CLCN7: variants seen among roughly 807,000 people sequenced by gnomAD.
CLCN7 encodes H(+)/Cl(-) exchange transporter 7.
In CLCN7, 60 loss-of-function variants were observed where a neutral mutation model predicts 102.1. The ratio of observed to expected loss-of-function variants is 0.59; its 90% CI spans 0.48 to 0.73. CLCN7 has a LOEUF of 0.73. Ranked by LOEUF, CLCN7 falls within the 30% of genes least tolerant of loss-of-function variation. The pLI is 0.00. For missense variants in CLCN7, 962 were observed against 1,125.7 expected, an observed-to-expected ratio of 0.85 and a Z score of 2.08; for synonymous variants, 560 against 490.5, an observed-to-expected ratio of 1.14 and a Z score of -1.87.
intron 1 of CLCN7, chr16:1,474,003 A>T: frequency 2.6e-6 from 1 of 384,622 alleles, no homozygotes; most frequent in Non-Finnish European, 5.1e-6. Flanking sequence ...AGAGTCACTT[A>T]AACTCGGGAG....
chr16:1,453,943 G>A (rs781651007), intron 13 of CLCN7, 49 bp from the exon 14 acceptor site: 37 of 1,556,202 alleles, frequency 2.4e-5, no homozygotes, highest in Non-Finnish European at 8.7e-6. Context: ...AAAAGTGCGG[G>A]CCTCCGCCCG....
At position 1,447,078 on chromosome 16, in the gene CLCN7, C is replaced by T. The variant is rs146048095; in HGVS notation, c.2259G>A (p.Ser753=). Residue 753 remains serine (S), a synonymous_variant, in exon 24 of 25, where the codon TCG becomes TCA. Coordinates refer to ENST00000382745, the MANE Select transcript of CLCN7 (RefSeq NM_001287.6). ...GGAACAGCTTGAACACCCGTGGGAG[C>T]GACGCCTCCTGCAGCAGGGGCACAG... is the stretch of plus-strand genomic sequence containing the variant. ...PSPYTVPQEA[S]LPRVFKLFRA... is the part of the protein sequence containing the mutation. 122 of 1,598,334 alleles carry T rather than the reference C, an allele frequency of 7.6e-5. No homozygotes were observed. Among genetic ancestry groups the T allele is most frequent in the Middle Eastern group, 3.3e-4 (2 of 6,038 alleles).
At chr16:1,473,311 T>C (rs1422805677) in intron 1 of CLCN7, among the ~76,000 whole-genome samples, 2 of 151,468 alleles carry the variant, frequency 1.3e-5, no homozygotes, top group South Asian at 2.1e-4. Flanking sequence ...TTCTAAGGAA[T>C]TGGGAAAACC....
At chr16:1,462,711 A>T (rs1474411174) in intron 2 of CLCN7, among the ~76,000 whole-genome samples, 3 of 151,066 alleles carry the variant, frequency 2.0e-5, no homozygotes, top group African/African-American at 7.3e-5. Context: ...TGGCATGAAG[A>T]TGGCCACAAA....
At chr16:1,468,089 T>A (rs548664062) in intron 1 of CLCN7, among the ~76,000 whole-genome samples, 2 of 145,796 alleles carry the variant, frequency 1.4e-5, no homozygotes, top group Admixed American at 6.8e-5. Context: ...TCTCTAAAAT[T>A]AAAAAAAAAA....
Position 1,449,100 on chromosome 16 carries a change from GA to G in CLCN7, c.1670-8del, listed in dbSNP as rs752354267. 7.4e-6 allele frequency: 12 copies of G among 1,612,752 alleles called. No individual in the cohort carries two copies. In the East Asian group the frequency reaches 1.6e-4, roughly 21 times the overall value. On this transcript the variant is annotated splice_region_variant and splice_polypyrimidine_tract_variant and intron_variant, in intron 18 of 24. Coordinates refer to ENST00000382745, the MANE Select transcript of CLCN7 (RefSeq NM_001287.6). ...GTCATCCGCACAATCCCGCCTGCGG[GA>G]GCCATCATGAACCCCAGCACGTCCA...
At position 1,455,120 on chromosome 16, in the gene CLCN7, A is replaced by AGGTGGGCGG; in HGVS notation, c.1098+13_1098+14insCCGCCCACC. The AGGTGGGCGG allele has an allele frequency of 1.4e-6, 2 of 1,469,754 alleles. No homozygotes were observed. The highest frequency in any genetic ancestry group is 1.9e-6 in the Non-Finnish European group (2 of 1,048,178). 91.0% of individuals were successfully genotyped at this position (1,469,754 alleles called of 1,614,324 possible). On this transcript the variant is annotated intron_variant, in intron 12 of 24. Coordinates refer to ENST00000382745, the MANE Select transcript of CLCN7 (RefSeq NM_001287.6). ...GGATACGAGGTGGGCGAGGTGGGCG[A>AGGTGGGCGG]TGGGGCAGGTTACCTCCGAGTCAAA...
chr16:1,470,626 G>A (rs532107029), intron 1 of CLCN7, among the ~76,000 whole-genome samples: 35 of 152,228 alleles, frequency 2.3e-4, no homozygotes, highest in Non-Finnish European at 4.4e-5. Flanking sequence ...GGCAGGGAAG[G>A]GCAGGGGACA....
At chr16:1,447,305 C>A in intron 23 of CLCN7, 87 bp downstream of exon 23, 2 of 1,378,382 alleles carry the variant, frequency 1.5e-6, no homozygotes, top group South Asian at 1.3e-5. Context: ...CTGTGGCCCC[C>A]CCCGGCTGCC....
chr16:1,447,776 T>G, intron 21 of CLCN7, 62 bp from the exon 22 acceptor site: 1 of 1,514,880 alleles, frequency 6.6e-7, no homozygotes, highest in Non-Finnish European at 9.0e-7. Context: ...GCTGGAATGC[T>G]GTGTCGGGCC....
At chr16:1,461,751 G>A (rs771673808) in intron 2 of CLCN7, 77 bp from the exon 3 acceptor site, 7 of 1,235,142 alleles carry the variant, frequency 5.7e-6, no homozygotes, top group African/African-American at 4.4e-5. Context: ...GCTCACACAC[G>A]AGGCCATTAT....
chr16:1,465,502 G>A lies in CLCN7; in HGVS notation c.142-164C>T, dbSNP rs2744997. Among the ~76,000 whole-genome samples the A allele has an allele frequency of 0.6, 91,750 of 152,018 alleles. 28,541 individuals are homozygous for A. Among genetic ancestry groups the A allele is most frequent in the African/African-American group, 0.72 (29,865 of 41,502 alleles). ...TGGGTGGGGGCAGCAGGGCTGGGAC[G>A]GGCCTCCCTGGGCCCTGGAAGCAGA... is the stretch of plus-strand genomic sequence containing the variant. On this transcript the variant is annotated intron_variant, in intron 1 of 24. Transcript: ENST00000382745.
chr16:1,449,092 G>A lies in CLCN7; in HGVS notation c.1671C>T (p.Gly557=), dbSNP rs115310976. ...GGCTCAGTGTCATCCGCACAATCCC[G>A]CCTGCGGGAGCCATCATGAACCCCA... The part of the protein sequence containing the change: ...YALMGAAAQL[G]GIVRMTLSLT... The change falls in exon 19 of 25, where the codon GGC becomes GGT. Residue 557 remains glycine, a splice_region_variant and synonymous_variant. Transcript: ENST00000382745. 3,484 of 1,612,742 alleles carry A rather than the reference G, an allele frequency of 2.2e-3. 83 individuals carry two copies. The African/African-American group carries it at 0.042, about 20-fold the overall frequency.
In CLCN7 at chr16:1,452,817, G is replaced by T. The variant is rs1054593112; in HGVS notation, c.1291C>A (p.Leu431Met). 6 of 1,604,050 alleles carry T rather than the reference G, an allele frequency of 3.7e-6. No homozygotes were observed. The African/African-American group carries it at 6.7e-5, about 18-fold the overall frequency. Reference sequence around the variant, plus strand: ...TGGCAATCCCGCGACGAGTAGATCAGCACGAAGGCAACTGTGGCCGTGACG... The same window carrying T: ...TGGCAATCCCGCGACGAGTAGATCATCACGAAGGCAACTGTGGCCGTGACG... ...AAVTATVAFV[L>M]IYSSRDCQPL... Residue 431 changes from leucine (L) to methionine (M), a missense_variant, in exon 15 of 25, where the codon CTG becomes ATG. Physicochemically the swap from Leu to Met is conservative, Grantham distance 15. Transcript: ENST00000382745.
At chr16:1,448,251 C>G (rs574070276) in intron 21 of CLCN7, 104 bp downstream of exon 21, 449 of 1,482,018 alleles carry the variant, frequency 3.0e-4, no homozygotes, top group Non-Finnish European at 4.0e-4. Context: ...CCAGTGCACC[C>G]AAACGTGCAG....
At chr16:1,460,790 T>C (rs2038922876) in intron 5 of CLCN7, 26 bp downstream of exon 5, 9 of 1,613,748 alleles carry the variant, frequency 5.6e-6, no homozygotes, top group Non-Finnish European at 7.6e-6. Context: ...CCTCCCAAGC[T>C]GCAGCGGCCG....
intron 11 of CLCN7, 75 bp downstream of exon 11, chr16:1,455,656 A>G (rs1413885576): frequency 4.2e-5 from 63 of 1,504,794 alleles, no homozygotes; most frequent in Non-Finnish European, 5.4e-5. Context: ...GGGTGGCCCC[A>G]AGGTGGACCC....
chr16:1,449,146 C>A (rs746499005), intron 18 of CLCN7, 53 bp from the exon 19 acceptor site: 1 of 1,608,870 alleles, frequency 6.2e-7, no homozygotes, highest in African/African-American at 1.3e-5. Context: ...CTCAGGGTCA[C>A]GTGGCCACTG....
chr16:1,454,342 T>C, intron 13 of CLCN7, 69 bp downstream of exon 13: 3 of 1,520,870 alleles, frequency 2.0e-6, no homozygotes, highest in Non-Finnish European at 2.7e-6. Flanking sequence ...CCAGTCCTCG[T>C]CTCTATGGCC....
Sources: gnomAD v4.1 joint callset for allele counts (sites outside exome capture counted in the v4.1 genomes callset) on GRCh38, gnomAD v4.1.1 for gene constraint, MANE v1.5 for transcripts, NCBI Gene and HGNC (gene_info 2026-07-23, HGNC 2026-07-21) for gene names.